SYNJ2: variants seen among roughly 807,000 people sequenced by gnomAD.
The protein encoded by SYNJ2 is polyphosphatidylinositol phosphatase SYNJ2.
In SYNJ2, 116 loss-of-function variants were observed where a neutral mutation model predicts 141.3. The observed-to-expected ratio is 0.82, with a 90% CI of 0.71 to 0.96. SYNJ2 has a LOEUF of 0.96. SYNJ2 is among the 40% of genes least tolerant of loss of function. The pLI, the probability that SYNJ2 is intolerant of heterozygous loss-of-function variation, is 0.00. For missense variants in SYNJ2, 1,873 were observed against 1,934.8 expected, an observed-to-expected ratio of 0.97 and a Z score of 0.60; for synonymous variants, 745 against 777.7, an observed-to-expected ratio of 0.96 and a Z score of 0.70.
In SYNJ2 at chr6:158,095,628, C is replaced by T. The variant is rs565579056; in HGVS notation, c.3755C>T (p.Pro1252Leu). 6.9e-5 allele frequency: 111 copies of T among 1,598,184 alleles called. 1 individual carries two copies. In the Middle Eastern group the frequency reaches 1.2e-3, roughly 17 times the overall value. The change falls in exon 27 of 27, where the codon CCG becomes CTG. Residue 1252 changes from proline (P) to leucine (L), a missense_variant. By Grantham distance (98) the Pro-to-Leu change is moderately conservative. Transcript: ENST00000355585. ...TLRRTGKPLS[P>L]EEQFEQQTVH... ...CCCACCTTTTCTCAGCCCCTGTCAC[C>T]GGAAGAACAGTTTGAGCAACAGACT... is the stretch of plus-strand genomic sequence containing the variant.
intron 9 of SYNJ2, 126 bp downstream of exon 9, chr6:158,063,998 G>A (rs1781396618): frequency 1.1e-6 from 1 of 951,164 alleles, no homozygotes; most frequent in Non-Finnish European, 1.6e-6. Flanking sequence ...TTCTGACTAT[G>A]GGGAAGGTGG....
intron 4 of SYNJ2, among the ~76,000 whole-genome samples, chr6:158,037,273 G>A (rs2128340646): frequency 6.9e-6 from 1 of 145,240 alleles, no homozygotes; most frequent in East Asian, 2.0e-4. Flanking sequence ...GCTCTTGGTG[G>A]CCTCTGGCAA....
chr6:158,032,310 A>C (rs1403726702), intron 3 of SYNJ2, among the ~76,000 whole-genome samples: 1 of 152,248 alleles, frequency 6.6e-6, no homozygotes, highest in Admixed American at 6.5e-5. Context: ...CAATGAGAAA[A>C]TGCTGCTGCT....
chr6:158,059,214 T>G, intron 6 of SYNJ2, 43 bp from the exon 7 acceptor site: 1 of 1,505,262 alleles, frequency 6.6e-7, no homozygotes, highest in South Asian at 1.3e-5. Flanking sequence ...AGTCTGCACC[T>G]GTGCCCGTGC....
rs143215663 is a variant in SYNJ2, at chr6:158,033,636, G to A, written c.667G>A (p.Val223Met). ...RTGTRFHTRG[V>M]NDDGHVSNFV... ...AGGCACTCGCTTCCACACCCGTGGC[G>A]TGAACGACGACGGCCATGTGTCCAA... The change falls in exon 4 of 27, where the codon GTG (valine) becomes ATG (methionine). Residue 223 changes from valine to methionine, a missense_variant. Physicochemically the swap from Val to Met is conservative, Grantham distance 21 (BLOSUM62 1). Coordinates refer to ENST00000355585, the MANE Select transcript of SYNJ2 (RefSeq NM_003898.4). 1.4e-5 allele frequency: 22 copies of A among 1,612,666 alleles called. No individual in the cohort carries two copies. Among genetic ancestry groups the A allele is most frequent in the African/African-American group, 4.0e-5 (3 of 74,952 alleles).
At chr6:158,010,736 G>C (rs921565946) in intron 1 of SYNJ2, among the ~76,000 whole-genome samples, 1 of 152,208 alleles carries the variant, frequency 6.6e-6, no homozygotes, top group Non-Finnish European at 1.5e-5. Context: ...CCTTAATCCA[G>C]TGTGACTGCT....
chr6:158,072,822 C>T (rs992973501), intron 15 of SYNJ2, among the ~76,000 whole-genome samples: 27 of 151,926 alleles, frequency 1.8e-4, no homozygotes, highest in Non-Finnish European at 8.8e-5. Flanking sequence ...GTAATCCCAG[C>T]ACTTTGGGAG....
In SYNJ2 at chr6:158,071,842, C is replaced by G; in HGVS notation, c.2133+48C>G. 6.3e-7 allele frequency: 1 copy of G among 1,581,062 alleles called. No individual in the cohort carries two copies. Among genetic ancestry groups the G allele is most frequent in the Non-Finnish European group, 8.6e-7 (1 of 1,164,768 alleles). ...CCAGCACCTCCCTGCTCAGCTCAGT[C>G]CCAAATGTGACTGTTGATAGGAGCC... On this transcript the variant is annotated intron_variant, in intron 15 of 26. Coordinates refer to ENST00000355585, the MANE Select transcript of SYNJ2 (RefSeq NM_003898.4). The surrounding 1 kb of genome is among the most constrained non-coding windows in gnomAD (Gnocchi z 4.3).
At chr6:158,033,331 T>A (rs1271344997) in intron 3 of SYNJ2, 124 bp from the exon 4 acceptor site, 2 of 963,962 alleles carry the variant, frequency 2.1e-6, no homozygotes, top group Non-Finnish European at 3.1e-6. Context: ...GGGAGCAGCA[T>A]GCATTCGCTG....
rs1782148016 is a variant in SYNJ2, at chr6:158,074,605, A to G, written c.2159A>G (p.Tyr720Cys). The G allele has an allele frequency of 6.2e-7, 1 of 1,612,146 alleles. No individual in the cohort carries two copies. Among genetic ancestry groups the G allele is most frequent in the East Asian group, 2.2e-5 (1 of 44,840 alleles). Residue 720 changes from tyrosine (Y) to cysteine (C), a missense_variant, in exon 16 of 27, where the codon TAT becomes TGT. By Grantham distance (194) the Tyr-to-Cys change is radical (BLOSUM62 -2). Transcript: ENST00000355585. ...PMGRNVFSHD[Y>C]VFWCGDFNYR... ...GGGAGAAATGTTTTTTCTCATGATT[A>G]TGTATTTTGGTGTGGCGATTTCAAC...
chr6:158,043,663 C>T lies in SYNJ2; in HGVS notation c.795+264C>T, dbSNP rs1472699817. Among the ~76,000 whole-genome samples the T allele has an allele frequency of 2.0e-5, 3 of 152,180 alleles. No individual in the cohort carries two copies. The highest frequency in any genetic ancestry group is 4.4e-5 in the Non-Finnish European group (3 of 68,036). The stretch of plus-strand genomic sequence containing the variant: ...CTGTGTGAAACCGCTGACTCGGGAA[C>T]GGTGCTGCGGTGCCTGCTGAGTGGG... On this transcript the variant is annotated intron_variant, in intron 5 of 26. Transcript: ENST00000355585. The surrounding 1 kb of genome is among the most constrained non-coding windows in gnomAD (Gnocchi z 4.0).
chr6:158,067,728 C>T (rs192660834), intron 12 of SYNJ2: 133 of 985,230 alleles, frequency 1.3e-4, no homozygotes, highest in Admixed American at 2.5e-4. Flanking sequence ...CCTGTGCACA[C>T]GCCATCTGTG....
In SYNJ2 at chr6:158,043,551, A is replaced by G. The variant is rs1780068182; in HGVS notation, c.795+152A>G. ...CCCTGTTGTGTTGAGCTGAGCTATCAAAGTGTGCACACGTGTGTGCATATG... is the reference window on the plus strand; with the variant it reads ...CCCTGTTGTGTTGAGCTGAGCTATCGAAGTGTGCACACGTGTGTGCATATG... On this transcript the variant is annotated intron_variant, in intron 5 of 26. Coordinates refer to ENST00000355585, the MANE Select transcript of SYNJ2 (RefSeq NM_003898.4). This position sits in a 1 kb window ranked among gnomAD's most constrained non-coding sequence, Gnocchi z 4.0. The G allele has an allele frequency of 3.2e-6, 2 of 620,542 alleles. No individual in the cohort carries two copies. Among genetic ancestry groups the G allele is most frequent in the East Asian group, 2.8e-5 (1 of 35,810 alleles). The allele number at this position is 620,542 out of a possible 1,614,324, so 38.4% of individuals were successfully genotyped here.
At position 158,005,298 on chromosome 6, in the gene SYNJ2, C is replaced by T. The variant is rs560587100; in HGVS notation, c.128-11906C>T. ...TTCACCATGTTAGCCAGGATGGTCT[C>T]AATCTCCTGACCTCGTGATCCACCC... On this transcript the variant is annotated intron_variant, in intron 1 of 26. Transcript: ENST00000355585. Among the ~76,000 whole-genome samples, 34 of 152,216 alleles carry T rather than the reference C, an allele frequency of 2.2e-4. No individual in the cohort carries two copies. The South Asian group carries it at 6.8e-3, about 31-fold the overall frequency.
rs940423622 is a variant in SYNJ2 at position 158,040,148 on chromosome 6, T to G, written c.712-3168T>G. Among the ~76,000 whole-genome samples the G allele has an allele frequency of 6.6e-6, 1 of 152,198 alleles. No homozygotes were observed. The highest frequency in any genetic ancestry group is 1.5e-5 in the Non-Finnish European group (1 of 68,030). Reference sequence around the variant, plus strand: ...TAGGAGGAATAATTAATCTTCTTTCTCTGAGGCAGGCTGTGTGTGTGTGTG... The same window carrying G: ...TAGGAGGAATAATTAATCTTCTTTCGCTGAGGCAGGCTGTGTGTGTGTGTG... On this transcript the variant is annotated intron_variant, in intron 4 of 26. Transcript: ENST00000355585. This position sits in a 1 kb window ranked among gnomAD's most constrained non-coding sequence, Gnocchi z 4.2.
chr6:158,043,233 A>G lies in SYNJ2; in HGVS notation c.712-83A>G. On this transcript the variant is annotated intron_variant, in intron 4 of 26. Transcript: ENST00000355585. This position sits in a 1 kb window ranked among gnomAD's most constrained non-coding sequence, Gnocchi z 4.0. The stretch of plus-strand genomic sequence containing the variant: ...TTCATTCTGGCTGGTGTCGGGTCAC[A>G]GGTGGCCGGATCCCGTTACCCAGCC... 1 of 1,213,758 alleles carries G rather than the reference A, an allele frequency of 8.2e-7. No homozygotes were observed. The highest frequency in any genetic ancestry group is 1.2e-6 in the Non-Finnish European group (1 of 831,316). 75.2% of individuals were successfully genotyped at this position (1,213,758 alleles called of 1,614,324 possible). A position where few individuals can be genotyped will look rare whatever the true frequency, so the allele number is the denominator to read the frequency against.
intron 12 of SYNJ2, 114 bp downstream of exon 12, chr6:158,066,749 C>T (rs1781593265): frequency 2.4e-6 from 3 of 1,229,040 alleles, no homozygotes; most frequent in Admixed American, 2.0e-5. Context: ...TGTCTTCCCT[C>T]CTCACAATGT....
chr6:158,065,240 G>A (rs893806607), intron 11 of SYNJ2, among the ~76,000 whole-genome samples: 11 of 152,190 alleles, frequency 7.2e-5, no homozygotes, highest in South Asian at 2.1e-4. Context: ...GACACCAGGC[G>A]GGCTCAGGGA....
At chr6:157,990,821 C>T (rs932401707) in intron 1 of SYNJ2, among the ~76,000 whole-genome samples, 10 of 152,264 alleles carry the variant, frequency 6.6e-5, no homozygotes, top group Admixed American at 4.6e-4. Flanking sequence ...TCCCTTTCCT[C>T]GGCTCTGAAC....
Sources: gnomAD v4.1 joint callset for allele counts (sites outside exome capture counted in the v4.1 genomes callset) on GRCh38, gnomAD v4.1.1 for gene constraint, Gnocchi (gnomAD v3.1) non-coding constraint, MANE v1.5 for transcripts, NCBI Gene and HGNC (gene_info 2026-07-23, HGNC 2026-07-21) for gene names.